Variants in ATF2 observed in about 807,000 individuals in gnomAD.
The protein encoded by ATF2 is activating transcription factor 2.
In ATF2, 24 loss-of-function variants were observed where a neutral mutation model predicts 60.6. The observed-to-expected ratio is 0.40, with a 90% CI of 0.29 to 0.56. The LOEUF (loss-of-function observed/expected upper bound fraction) is 0.56, where lower values mean the gene tolerates loss of function less well. ATF2 is among the 20% of genes least tolerant of loss of function. The pLI, the probability that ATF2 is intolerant of heterozygous loss-of-function variation, is 0.54. For synonymous variants in ATF2, 206 were observed against 215.4 expected (o/e 0.96, Z 0.38); for missense variants, 433 against 607.7 (o/e 0.71, Z 3.02).
At chr2:175,134,017 T>C (rs1422274714) in intron 3 of ATF2, among the ~76,000 whole-genome samples, 1 of 152,060 alleles carries the variant, frequency 6.6e-6, no homozygotes, top group South Asian at 2.1e-4. Context: ...ACACAAACTA[T>C]AAAAAATAAT....
In ATF2 at chr2:175,074,205, T is replaced by A. The variant is rs182375594; in HGVS notation, c.*404A>T. Reference sequence around the variant, plus strand: ...ACAGGGACTATGCAAAACTTTGGTATAAATGATAATACTACTACCGTCACA... The same window carrying A: ...ACAGGGACTATGCAAAACTTTGGTAAAAATGATAATACTACTACCGTCACA... On this transcript the variant is annotated 3_prime_UTR_variant, in exon 14 of 14. Transcript: ENST00000264110. 6.3e-6 allele frequency: 1 copy of A among 158,470 alleles called. No homozygotes were observed. Among genetic ancestry groups the A allele is most frequent in the Non-Finnish European group, 1.4e-5 (1 of 71,688 alleles). The allele number at this position is 158,470 out of a possible 1,614,324, so 9.8% of individuals were successfully genotyped here.
chr2:175,155,052 TACAG>T (rs1408850143), intron 1 of ATF2, among the ~76,000 whole-genome samples: 1 of 152,142 alleles, frequency 6.6e-6, no homozygotes, highest in African/African-American at 2.4e-5. Flanking sequence ...CAGTATGGGA[TACAG>T]ACAAAGTGGG....
At chr2:175,162,077 A>G (rs1483300784) in intron 1 of ATF2, among the ~76,000 whole-genome samples, 2 of 152,190 alleles carry the variant, frequency 1.3e-5, no homozygotes, top group Non-Finnish European at 2.9e-5. Context: ...TTAACTCTTA[A>G]ACTAGCATTA....
chr2:175,167,771 C>G, intron 1 of ATF2: 1 of 459,030 alleles, frequency 2.2e-6, no homozygotes, highest in South Asian at 1.6e-5. Flanking sequence ...TTTCCTCTGC[C>G]TTAGGAAAGC....
chr2:175,164,788 TGTGA>T (rs1260044786), intron 1 of ATF2, among the ~76,000 whole-genome samples: 3 of 152,216 alleles, frequency 2.0e-5, no homozygotes, highest in Admixed American at 1.3e-4. Flanking sequence ...GAGGAACAGG[TGTGA>T]GTATGAGATA....
chr2:175,094,905 T>G (rs1694821365), intron 11 of ATF2, among the ~76,000 whole-genome samples: 1 of 152,144 alleles, frequency 6.6e-6, no homozygotes, highest in Non-Finnish European at 1.5e-5. Flanking sequence ...ATCGCACCAC[T>G]GTACTCCGCA....
chr2:175,088,326 T>C (rs1023110529), intron 12 of ATF2, among the ~76,000 whole-genome samples: 1 of 152,162 alleles, frequency 6.6e-6, no homozygotes, highest in African/African-American at 2.4e-5. Flanking sequence ...TTATAATGTA[T>C]CTTCCAATTA....
At position 175,151,763 on chromosome 2, in the gene ATF2, A is replaced by T. The variant is rs548166593; in HGVS notation, c.-142-605T>A. Among the ~76,000 whole-genome samples, 4 of 152,328 alleles carry T rather than the reference A, an allele frequency of 2.6e-5. No homozygotes were observed. The South Asian group carries it at 8.3e-4, about 32-fold the overall frequency. On this transcript the variant is annotated intron_variant, in intron 1 of 13. Transcript: ENST00000264110. Reference sequence around the variant, plus strand: ...GTTTATTTCTTTCACAAAAAAACATAGGCAATCCAGAACCATGATCGCCTG... The same window carrying T: ...GTTTATTTCTTTCACAAAAAAACATTGGCAATCCAGAACCATGATCGCCTG...
chr2:175,142,710 A>AGTGT (rs1698640088), intron 2 of ATF2, among the ~76,000 whole-genome samples: 1 of 129,566 alleles, frequency 7.7e-6, no homozygotes, highest in African/African-American at 2.7e-5. Context: ...AGAGAGAGAG[A>AGTGT]GAGAGAGAGA....
intron 11 of ATF2, among the ~76,000 whole-genome samples, chr2:175,096,714 A>G (rs907358311): frequency 3.9e-5 from 6 of 152,204 alleles, no homozygotes; most frequent in Non-Finnish European, 8.8e-5. Flanking sequence ...AGGAAAATCA[A>G]TAATTTTTTA....
chr2:175,088,519 T>C (rs1694319743), intron 12 of ATF2, among the ~76,000 whole-genome samples: 1 of 152,070 alleles, frequency 6.6e-6, no homozygotes, highest in Admixed American at 6.5e-5. Flanking sequence ...TTATTGTGCT[T>C]CCACTCCACA....
chr2:175,083,150 A>G (rs906744618), intron 12 of ATF2, among the ~76,000 whole-genome samples: 2 of 151,848 alleles, frequency 1.3e-5, no homozygotes, highest in African/African-American at 4.8e-5. Flanking sequence ...AAACTACTTT[A>G]AAGTTCATAT....
intron 3 of ATF2, chr2:175,132,698 T>C (rs981669610): frequency 1.3e-5 from 2 of 152,224 alleles, no homozygotes; most frequent in Admixed American, 6.5e-5. Context: ...AATTCACCAG[T>C]GAAGCTATCT....
intron 5 of ATF2, 117 bp from the exon 6 acceptor site, chr2:175,118,486 G>T: frequency 1.2e-6 from 1 of 824,402 alleles, no homozygotes; most frequent in Non-Finnish European, 1.8e-6. Context: ...TTCTCTCTTT[G>T]GAAAGACCTC....
chr2:175,146,149 A>C (rs1698930363), intron 2 of ATF2, among the ~76,000 whole-genome samples: 2 of 152,190 alleles, frequency 1.3e-5, no homozygotes, highest in African/African-American at 4.8e-5. Context: ...ACCTGTATCT[A>C]ATAATGAAGA....
At chr2:175,083,842 A>G (rs1409423068) in intron 12 of ATF2, among the ~76,000 whole-genome samples, 1 of 152,224 alleles carries the variant, frequency 6.6e-6, no homozygotes, top group African/African-American at 2.4e-5. Context: ...AAGGATATGA[A>G]CAGACACTTC....
intron 1 of ATF2, among the ~76,000 whole-genome samples, chr2:175,151,670 T>C (rs1179508441): frequency 6.6e-6 from 1 of 152,178 alleles, no homozygotes; most frequent in African/African-American, 2.4e-5. Context: ...CAGCTGTTAA[T>C]GATAGAAAAC....
intron 10 of ATF2, among the ~76,000 whole-genome samples, chr2:175,102,784 A>G (rs1695396375): frequency 1.3e-5 from 2 of 152,102 alleles, no homozygotes; most frequent in South Asian, 2.1e-4. Context: ...GGAGGACTTT[A>G]TAAGGTCTAT....
At chr2:175,138,200 G>C (rs1698266110) in intron 2 of ATF2, among the ~76,000 whole-genome samples, 1 of 152,142 alleles carries the variant, frequency 6.6e-6, no homozygotes, top group African/African-American at 2.4e-5. Flanking sequence ...CGGCTTCTTT[G>C]ATTTCTCTTA....
Sources: allele counts gnomAD v4.1 joint callset (sites outside exome capture counted in the v4.1 genomes callset), GRCh38; gene constraint gnomAD v4.1.1; transcripts MANE v1.5; gene names NCBI Gene and HGNC (gene_info 2026-07-23, HGNC 2026-07-21).